Variants in UBE2E3 observed in about 807,000 individuals in gnomAD.
UBE2E3 encodes the protein ubiquitin conjugating enzyme E2 E3.
A neutral mutation model predicts 23.6 loss-of-function variants in UBE2E3; 5 were observed. The observed-to-expected ratio is 0.21, with a 90% CI of 0.11 to 0.44. The LOEUF (loss-of-function observed/expected upper bound fraction) is 0.44. Among genes scored for constraint, UBE2E3 ranks in the 20% least tolerant of loss-of-function variants. UBE2E3 has a pLI of 0.99. For missense variants in UBE2E3, 81 were observed against 249.8 expected (o/e 0.32, Z 4.55); for synonymous variants, 78 against 87.5 (o/e 0.89, Z 0.60).
At chr2:181,056,165 A>G (rs1422852932) in intron 3 of UBE2E3, among the ~76,000 whole-genome samples, 2 of 151,730 alleles carry the variant, frequency 1.3e-5, no homozygotes, top group South Asian at 2.1e-4. Flanking sequence ...CAAATCTGCA[A>G]TAATTTGGGT....
intron 3 of UBE2E3, among the ~76,000 whole-genome samples, chr2:181,028,244 T>C (rs1041273075): frequency 9.2e-5 from 14 of 152,110 alleles, no homozygotes; most frequent in African/African-American, 3.4e-4. Context: ...GGCATGTAGC[T>C]ATAGTTAAAT....
At chr2:181,045,770 C>A (rs1686655907) in intron 3 of UBE2E3, among the ~76,000 whole-genome samples, 1 of 152,078 alleles carries the variant, frequency 6.6e-6, no homozygotes. Context: ...ATTAGAATAA[C>A]CTGGGAGATT....
chr2:181,031,565 A>T (rs1350164166), intron 3 of UBE2E3, among the ~76,000 whole-genome samples: 4 of 152,106 alleles, frequency 2.6e-5, no homozygotes, highest in Admixed American at 2.0e-4. Context: ...TGTATTCATT[A>T]TGATAGGGGT....
intron 3 of UBE2E3, among the ~76,000 whole-genome samples, chr2:180,994,975 A>G (rs55943951): frequency 0.039 from 5,997 of 152,318 alleles, 225 homozygotes; most frequent in African/African-American, 0.094. Flanking sequence ...AAAATTAACT[A>G]TAACATACTG....
intron 3 of UBE2E3, among the ~76,000 whole-genome samples, chr2:181,018,129 T>C (rs796926911): frequency 4.0e-4 from 61 of 152,260 alleles, no homozygotes; most frequent in African/African-American, 1.4e-3. Flanking sequence ...TCATTTTCTT[T>C]ACTCTTCTTG....
chr2:180,993,669 T>C (rs1684739739), intron 3 of UBE2E3, among the ~76,000 whole-genome samples: 1 of 152,230 alleles, frequency 6.6e-6, no homozygotes, highest in African/African-American at 2.4e-5. Context: ...TAGTTAGTTT[T>C]GCCATTTACA....
intron 3 of UBE2E3, among the ~76,000 whole-genome samples, chr2:181,026,176 G>GGA (rs1685876315): frequency 6.6e-6 from 1 of 151,708 alleles, no homozygotes; most frequent in African/African-American, 2.4e-5. Context: ...GAAACCCTTT[G>GGA]GAGGATTAAG....
chr2:181,006,689 A>G (rs1320243033), intron 3 of UBE2E3, among the ~76,000 whole-genome samples: 1 of 152,052 alleles, frequency 6.6e-6, no homozygotes, highest in African/African-American at 2.4e-5. Context: ...GAAAGCAGAG[A>G]GATTTTTTCT....
chr2:181,021,187 G>C (rs1276451073), intron 3 of UBE2E3, among the ~76,000 whole-genome samples: 1 of 152,144 alleles, frequency 6.6e-6, no homozygotes, highest in Non-Finnish European at 1.5e-5. Context: ...CATGAGATTA[G>C]TCAGGATTGT....
chr2:181,029,113 G>C (rs978501344), intron 3 of UBE2E3, among the ~76,000 whole-genome samples: 1 of 152,044 alleles, frequency 6.6e-6, no homozygotes, highest in Non-Finnish European at 1.5e-5. Flanking sequence ...AGTGCCATCT[G>C]TCATTTCATG....
intron 3 of UBE2E3, among the ~76,000 whole-genome samples, chr2:181,000,115 T>C (rs530881248): frequency 2.6e-5 from 4 of 152,344 alleles, no homozygotes; most frequent in Non-Finnish European, 5.9e-5. Flanking sequence ...ACCCAATTTC[T>C]AGATGTATTA....
chr2:181,033,461 A>T (rs1388800865), intron 3 of UBE2E3, among the ~76,000 whole-genome samples: 1 of 152,240 alleles, frequency 6.6e-6, no homozygotes, highest in Non-Finnish European at 1.5e-5. Context: ...TGGTGCTGGG[A>T]AAAGTGGCTA....
At chr2:181,034,552 A>G (rs764737018) in intron 3 of UBE2E3, among the ~76,000 whole-genome samples, 5 of 152,224 alleles carry the variant, frequency 3.3e-5, no homozygotes, top group Admixed American at 6.5e-5. Context: ...GGGGAGAGAT[A>G]GCATTAGGAG....
intron 3 of UBE2E3, among the ~76,000 whole-genome samples, chr2:181,017,061 G>T (rs1471695389): frequency 6.6e-6 from 1 of 152,206 alleles, no homozygotes; most frequent in African/African-American, 2.4e-5. Flanking sequence ...AGCTGGATTT[G>T]ATTTAAAAGA....
rs28362476 is a variant in UBE2E3 at position 180,980,642 on chromosome 2, G to GGGC, written c.-345_-343dup. 29,557 of 147,422 alleles carry GGGC rather than the reference G, an allele frequency of 0.2. 3,763 individuals are homozygous for GGGC. Among genetic ancestry groups the GGGC allele is most frequent in the Non-Finnish European group, 0.28 (18,557 of 66,010 alleles). The allele number at this position is 147,422 out of a possible 1,614,324, so 9.1% of individuals were successfully genotyped here. A position where few individuals can be genotyped will look rare whatever the true frequency, so the allele number is the denominator to read the frequency against. ...CTGCGCGGCCGGGAGGAGCCGAGCC[G>GGGC]GGCGGCGGCGGCGGGAGGCTACAGC... is the stretch of plus-strand genomic sequence containing the variant. On this transcript the variant is annotated 5_prime_UTR_variant, in exon 1 of 6. Transcript: ENST00000410062. This position sits in a 1 kb window ranked among gnomAD's most constrained non-coding sequence, Gnocchi z 5.5.
intron 3 of UBE2E3, among the ~76,000 whole-genome samples, chr2:181,006,908 G>A (rs752184984): frequency 2.5e-4 from 38 of 152,104 alleles, no homozygotes; most frequent in Non-Finnish European, 4.7e-4. Flanking sequence ...ATTTCTCAGA[G>A]TAAAATTACT....
rs539694502 is a variant in UBE2E3, at chr2:181,024,265, G to A, written c.246-33428G>A. Among the ~76,000 whole-genome samples the A allele has an allele frequency of 1.5e-4, 23 of 152,230 alleles. No homozygotes were observed. In the South Asian group the frequency reaches 4.8e-3, roughly 32 times the overall value. ...AGAAAATGATTGACACTTTATGTGA[G>A]AGTAAAACTTAAAGTGAGCTATGAA... is the stretch of plus-strand genomic sequence containing the variant. On this transcript the variant is annotated intron_variant, in intron 3 of 5. Coordinates refer to ENST00000410062, the MANE Select transcript of UBE2E3 (RefSeq NM_006357.4).
At chr2:180,985,922 CTACTT>C (rs902107770) in intron 3 of UBE2E3, among the ~76,000 whole-genome samples, 5 of 151,342 alleles carry the variant, frequency 3.3e-5, no homozygotes, top group Non-Finnish European at 7.4e-5. Context: ...CCAAAGAAAT[CTACTT>C]TACATGTTTA....
At chr2:181,019,723 C>T (rs1685613184) in intron 3 of UBE2E3, among the ~76,000 whole-genome samples, 1 of 152,040 alleles carries the variant, frequency 6.6e-6, no homozygotes, top group Non-Finnish European at 1.5e-5. Flanking sequence ...TTAAGGTATA[C>T]AGCTTGATAT....
Sources: gnomAD v4.1 joint callset for allele counts (sites outside exome capture counted in the v4.1 genomes callset) on GRCh38, gnomAD v4.1.1 for gene constraint, Gnocchi (gnomAD v3.1) non-coding constraint, MANE v1.5 for transcripts, NCBI Gene and HGNC (gene_info 2026-07-23, HGNC 2026-07-21) for gene names.